OR56A4: variants seen among roughly 807,000 people sequenced by gnomAD.
The protein encoded by OR56A4 is olfactory receptor 56A4.
Under a neutral mutation model 13.6 loss-of-function variants are expected in OR56A4, and 9 were observed. That is an observed-to-expected ratio of 0.66 (90% CI 0.40 to 1.15). The LOEUF (loss-of-function observed/expected upper bound fraction) is 1.15. OR56A4 is among the 50% of genes most tolerant of loss of function. The pLI, the probability that OR56A4 is intolerant of heterozygous loss-of-function variation, is 0.01. For synonymous variants in OR56A4, 167 were observed against 153.9 expected, an observed-to-expected ratio of 1.08 and a Z score of -0.63; for missense variants, 380 against 375.9, an observed-to-expected ratio of 1.01 and a Z score of -0.09.
At chr11:6,004,125 A>T (rs1564810995) in intron 2 of OR56A4, among the ~76,000 whole-genome samples, 1 of 152,066 alleles carries the variant, frequency 6.6e-6, no homozygotes, top group Non-Finnish European at 1.5e-5. Flanking sequence ...AGGCCAAGGG[A>T]GGCAGATCAT....
chr11:6,006,283 TC>T lies in OR56A4; in HGVS notation c.-72del, dbSNP rs1370534538. On this transcript the variant is annotated 5_prime_UTR_variant, in exon 2 of 3. Coordinates refer to ENST00000641156, the MANE Select transcript of OR56A4 (RefSeq NM_001005179.4). Reference sequence around the variant, plus strand: ...CCTTAATAGCTGGAATGATTTTTCCTCCCTCTGAATTTTCCTTAGTGAAATT... The same window carrying T: ...CCTTAATAGCTGGAATGATTTTTCCTCCTCTGAATTTTCCTTAGTGAAATT... 6.6e-6 allele frequency: 1 copy of T among 152,202 alleles called. No homozygotes were observed. The highest frequency in any genetic ancestry group is 1.5e-5 in the Non-Finnish European group (1 of 68,032). The allele number at this position is 152,202 out of a possible 1,614,324, so 9.4% of individuals were successfully genotyped here.
chr11:5,999,708 T>C lies in OR56A4; in HGVS notation c.*2343A>G, dbSNP rs1336986475. Reference sequence around the variant, plus strand: ...AAAATGAGAGATGAGAGATCACTTATAAAATGTTCTACAGATTTTGTTCAA... The same window carrying C: ...AAAATGAGAGATGAGAGATCACTTACAAAATGTTCTACAGATTTTGTTCAA... On this transcript the variant is annotated 3_prime_UTR_variant, in exon 3 of 3. Coordinates refer to ENST00000641156, the MANE Select transcript of OR56A4 (RefSeq NM_001005179.4). The C allele has an allele frequency of 6.6e-6, 1 of 152,240 alleles. No individual in the cohort carries two copies. Among genetic ancestry groups the C allele is most frequent in the Non-Finnish European group, 1.5e-5 (1 of 68,042 alleles). 9.4% of individuals were successfully genotyped at this position (152,240 alleles called of 1,614,324 possible). A position where few individuals can be genotyped will look rare whatever the true frequency, so the allele number is the denominator to read the frequency against.
chr11:6,001,148 G>A lies in OR56A4; in HGVS notation c.*903C>T, dbSNP rs1848210513. The A allele has an allele frequency of 6.6e-6, 1 of 152,332 alleles. No individual in the cohort carries two copies. Among genetic ancestry groups the A allele is most frequent in the South Asian group, 2.1e-4 (1 of 4,822 alleles). The allele number at this position is 152,332 out of a possible 1,614,324, so 9.4% of individuals were successfully genotyped here. A position where few individuals can be genotyped will look rare whatever the true frequency, so the allele number is the denominator to read the frequency against. On this transcript the variant is annotated 3_prime_UTR_variant, in exon 3 of 3. Transcript: ENST00000641156. ...ACAAACCTAGAACTTTCATGTCTGG[G>A]AAACTGTTGGCAGCTTTGCCAGCCA... is the stretch of plus-strand genomic sequence containing the variant.
In OR56A4 at chr11:6,003,037, G is replaced by A. The variant is rs374820484; in HGVS notation, c.-36-9C>T. 41 of 1,613,830 alleles carry A rather than the reference G, an allele frequency of 2.5e-5. No homozygotes were observed. The highest frequency in any genetic ancestry group is 1.2e-4 in the South Asian group (11 of 91,088). The stretch of plus-strand genomic sequence containing the variant: ...CTGGAGACCCAGTGTACCTTAAAAC[G>A]TAGTAGAGAAGTACAGAAACATAAA... On this transcript the variant is annotated splice_polypyrimidine_tract_variant and intron_variant, in intron 2 of 2. Transcript: ENST00000641156.
intron 2 of OR56A4, among the ~76,000 whole-genome samples, chr11:6,004,943 A>G (rs1048298364): frequency 2.0e-5 from 3 of 152,222 alleles, no homozygotes; most frequent in South Asian, 2.1e-4. Flanking sequence ...GAGAAAATTG[A>G]CTTGCAAACA....
intron 2 of OR56A4, among the ~76,000 whole-genome samples, chr11:6,004,278 TGG>T (rs903174203): frequency 6.6e-6 from 1 of 151,852 alleles, no homozygotes; most frequent in Non-Finnish European, 1.5e-5. Flanking sequence ...GAACCAGACC[TGG>T]GGGGCGGAGG....
chr11:6,005,271 TGAG>T (rs1287383182), intron 2 of OR56A4, among the ~76,000 whole-genome samples: 2 of 151,948 alleles, frequency 1.3e-5, no homozygotes, highest in Non-Finnish European at 2.9e-5. Flanking sequence ...ACAAAAAAAA[TGAG>T]GTAACATTTC....
chr11:6,002,670 T>C lies in OR56A4; in HGVS notation c.323A>G (p.Asn108Ser). The C allele has an allele frequency of 1.2e-6, 2 of 1,614,168 alleles. No individual in the cohort carries two copies. The highest frequency in any genetic ancestry group is 1.7e-6 in the Non-Finnish European group (2 of 1,180,020). ...GCAGGACTCCATGGTCAAAAAACTG[T>C]TCATGATGAACATCTGGAGGAAGCA... ...PACFLQMFIM[N>S]SFLTMESCTF... The change falls in exon 3 of 3, where the codon AAC (asparagine) becomes AGC (serine). Residue 108 changes from asparagine to serine, a missense_variant. Physicochemically the swap from Asn to Ser is conservative, Grantham distance 46 (BLOSUM62 1). Coordinates refer to ENST00000641156, the MANE Select transcript of OR56A4 (RefSeq NM_001005179.4).
intron 2 of OR56A4, among the ~76,000 whole-genome samples, chr11:6,003,456 A>G (rs1396719250): frequency 1.3e-5 from 2 of 152,136 alleles, no homozygotes; most frequent in Non-Finnish European, 2.9e-5. Context: ...TTCCAGTTCA[A>G]GTTTACAGGT....
chr11:6,004,674 G>C (rs547367536), intron 2 of OR56A4, among the ~76,000 whole-genome samples: 1 of 152,318 alleles, frequency 6.6e-6, no homozygotes, highest in Admixed American at 6.5e-5. Context: ...TTATGCATCA[G>C]TTCTGCCCTG....
intron 2 of OR56A4, among the ~76,000 whole-genome samples, chr11:6,005,560 G>A (rs1273138820): frequency 6.6e-6 from 1 of 152,068 alleles, no homozygotes; most frequent in African/African-American, 2.4e-5. Flanking sequence ...ATATGCAATA[G>A]ATGGTGTCTT....
Position 6,002,526 on chromosome 11 carries a change from G to T in OR56A4, c.467C>A (p.Ala156Asp). 6.2e-7 allele frequency: 1 copy of T among 1,614,182 alleles called. No individual in the cohort carries two copies. Among genetic ancestry groups the T allele is most frequent in the Middle Eastern group, 1.6e-4 (1 of 6,062 alleles). ...CATGGGAACAGGAAGAGAAACAAAGGCATTCCGGGCTATAACAAAGACCAC... is the reference window on the plus strand; with the variant it reads ...CATGGGAACAGGAAGAGAAACAAAGTCATTCCGGGCTATAACAAAGACCAC... ...RAVVFVIARN[A>D]FVSLPVPMLS... is the part of the protein sequence containing the mutation. Residue 156 changes from alanine to aspartate, a missense_variant, in exon 3 of 3, where the codon GCC (alanine) becomes GAC (aspartate). Physicochemically the swap from Ala to Asp is moderately radical, Grantham distance 126. Coordinates refer to ENST00000641156, the MANE Select transcript of OR56A4 (RefSeq NM_001005179.4).
chr11:6,001,493 G>C lies in OR56A4; in HGVS notation c.*558C>G, dbSNP rs971910236. 1 of 152,304 alleles carries C rather than the reference G, an allele frequency of 6.6e-6. No homozygotes were observed. 9.4% of individuals were successfully genotyped at this position (152,304 alleles called of 1,614,324 possible). Reference sequence around the variant, plus strand: ...TTAATTGGGTCTAGGAGAATTTTAGGAGCCAGTGAATAGCACATCTGCCTC... The same window carrying C: ...TTAATTGGGTCTAGGAGAATTTTAGCAGCCAGTGAATAGCACATCTGCCTC... On this transcript the variant is annotated 3_prime_UTR_variant, in exon 3 of 3. Coordinates refer to ENST00000641156, the MANE Select transcript of OR56A4 (RefSeq NM_001005179.4).
Position 6,002,153 on chromosome 11 carries a change from G to A in OR56A4, c.840C>T (p.Asn280=), listed in dbSNP as rs759036573. 39 of 1,614,206 alleles carry A rather than the reference G, an allele frequency of 2.4e-5. No homozygotes were observed. The highest frequency in any genetic ancestry group is 4.5e-5 in the East Asian group (2 of 44,886). ...RIPPDVPILL[N]ILHHLIPPAL... ...CTGGGGGAATGAGGTGGTGCAGGAT[G>A]TTGAGCAGGATGGGGACATCTGGAG... The change falls in exon 3 of 3, where the codon AAC becomes AAT. Residue 280 remains asparagine (N), a synonymous_variant. Coordinates refer to ENST00000641156, the MANE Select transcript of OR56A4 (RefSeq NM_001005179.4).
intron 2 of OR56A4, among the ~76,000 whole-genome samples, chr11:6,004,191 A>G (rs1848239544): frequency 6.6e-6 from 1 of 152,162 alleles, no homozygotes; most frequent in Non-Finnish European, 1.5e-5. Flanking sequence ...GTCTCTATTA[A>G]AAATACAAAA....
chr11:6,001,919 T>C lies in OR56A4; in HGVS notation c.*132A>G, dbSNP rs1467705301. 6.0e-6 allele frequency: 5 copies of C among 838,254 alleles called. No individual in the cohort carries two copies. Among genetic ancestry groups the C allele is most frequent in the Non-Finnish European group, 8.9e-6 (5 of 563,576 alleles). The allele number at this position is 838,254 out of a possible 1,614,324, so 51.9% of individuals were successfully genotyped here. A position where few individuals can be genotyped will look rare whatever the true frequency, so the allele number is the denominator to read the frequency against. On this transcript the variant is annotated 3_prime_UTR_variant, in exon 3 of 3. Coordinates refer to ENST00000641156, the MANE Select transcript of OR56A4 (RefSeq NM_001005179.4). Reference sequence around the variant, plus strand: ...AATGTGTTCATTGTTGCCTGAGATATTGAGAACAGAAGAATCCGAACTCAG... The same window carrying C: ...AATGTGTTCATTGTTGCCTGAGATACTGAGAACAGAAGAATCCGAACTCAG...
intron 2 of OR56A4, 88 bp from the exon 3 acceptor site, chr11:6,003,116 TC>T (rs1402246973): frequency 1.3e-6 from 2 of 1,589,998 alleles, no homozygotes; most frequent in Non-Finnish European, 1.7e-6. Context: ...CCTGTATCTG[TC>T]CCAATAAAGT....
intron 2 of OR56A4, chr11:6,003,337 G>A: frequency 2.1e-6 from 1 of 473,998 alleles, no homozygotes; most frequent in African/African-American, 2.0e-5. Context: ...TTAAAAACCA[G>A]CAATCACAAG....
Position 6,002,061 on chromosome 11 carries a change from T to G in OR56A4, c.932A>C (p.Lys311Thr). The G allele has an allele frequency of 6.3e-7, 1 of 1,585,284 alleles. No individual in the cohort carries two copies. The highest frequency in any genetic ancestry group is 8.6e-7 in the Non-Finnish European group (1 of 1,167,066). Reference protein sequence around the residue: ...EIKQGIQNLLKRL With the variant: ...EIKQGIQNLLTRL The stretch of plus-strand genomic sequence containing the variant: ...TAATCCTTTTTATTCTTACAACCTC[T>G]TCAGCAGGTTTTGGATTCCCTGCTT... The change falls in exon 3 of 3, where the codon AAG (lysine) becomes ACG (threonine). Residue 311 changes from lysine (K) to threonine (T), a missense_variant. By Grantham distance (78) the Lys-to-Thr change is moderately conservative. Coordinates refer to ENST00000641156, the MANE Select transcript of OR56A4 (RefSeq NM_001005179.4).
Sources: allele counts gnomAD v4.1 joint callset (sites outside exome capture counted in the v4.1 genomes callset), GRCh38; gene constraint gnomAD v4.1.1; transcripts MANE v1.5; gene names NCBI Gene and HGNC (gene_info 2026-07-23, HGNC 2026-07-21).